VPS8: variants seen among roughly 807,000 people sequenced by gnomAD.
VPS8 encodes the protein VPS8 subunit of CORVET complex.
VPS8 carries 129 observed loss-of-function variants against 216.4 expected under a neutral mutation model. The observed-to-expected ratio is 0.60, with a 90% CI of 0.52 to 0.69. The LOEUF (loss-of-function observed/expected upper bound fraction) is 0.69, where lower values mean the gene tolerates loss of function less well. Ranked by LOEUF, VPS8 falls within the 30% of genes least tolerant of loss-of-function variation. VPS8 has a pLI of 0.00. For missense variants in VPS8, 1,531 were observed against 1,683.5 expected, an observed-to-expected ratio of 0.91 and a Z score of 1.59; for synonymous variants, 571 against 565.4, an observed-to-expected ratio of 1.01 and a Z score of -0.14.
At chr3:184,817,865 G>A (rs1348893418) in intron 1 of VPS8, among the ~76,000 whole-genome samples, 2 of 152,196 alleles carry the variant, frequency 1.3e-5, no homozygotes, top group East Asian at 1.9e-4. Context: ...GGGGAGAAAA[G>A]AGTCACATGG....
At chr3:184,905,184 C>T (rs1273053332) in intron 25 of VPS8, among the ~76,000 whole-genome samples, 2 of 152,196 alleles carry the variant, frequency 1.3e-5, no homozygotes, top group Non-Finnish European at 2.9e-5. Context: ...CAAAGGCCCC[C>T]ACCTCCCAAC....
chr3:185,026,875 A>G (rs1338508118), intron 46 of VPS8, among the ~76,000 whole-genome samples: 3 of 150,676 alleles, frequency 2.0e-5, no homozygotes. Context: ...CACCTGGCTA[A>G]TTTTTTTGTA....
At chr3:184,918,634 A>G (rs1738038207) in intron 28 of VPS8, among the ~76,000 whole-genome samples, 1 of 152,248 alleles carries the variant, frequency 6.6e-6, no homozygotes, top group African/African-American at 2.4e-5. Flanking sequence ...CTTGCTGCCA[A>G]AAGGAAAATG....
chr3:184,855,886 G>T, intron 14 of VPS8, 68 bp downstream of exon 14: 1 of 1,268,164 alleles, frequency 7.9e-7, no homozygotes, highest in Admixed American at 2.2e-5. Context: ...TTAATAATGT[G>T]TCAGAGAAAT....
intron 16 of VPS8, among the ~76,000 whole-genome samples, chr3:184,866,495 A>G (rs1207142552): frequency 6.6e-6 from 1 of 152,224 alleles, no homozygotes; most frequent in Non-Finnish European, 1.5e-5. Flanking sequence ...CTGTACATTT[A>G]CTAAAAAATC....
chr3:185,041,902 G>A (rs759771804), intron 46 of VPS8, among the ~76,000 whole-genome samples: 1 of 152,170 alleles, frequency 6.6e-6, no homozygotes, highest in Non-Finnish European at 1.5e-5. Context: ...ATTGGATTGG[G>A]CATGTTTGGG....
chr3:185,042,445 G>C (rs1047135002), intron 46 of VPS8, among the ~76,000 whole-genome samples: 10 of 152,146 alleles, frequency 6.6e-5, no homozygotes, highest in Non-Finnish European at 1.5e-4. Flanking sequence ...AGTATGCCAC[G>C]TGGCAAGACT....
chr3:184,982,111 A>G (rs1277399503), intron 40 of VPS8, among the ~76,000 whole-genome samples: 5 of 152,118 alleles, frequency 3.3e-5, no homozygotes, highest in African/African-American at 1.2e-4. Context: ...CTTGCTTGAC[A>G]TAGCTAAAGG....
intron 46 of VPS8, among the ~76,000 whole-genome samples, chr3:185,044,593 G>A (rs577557569): frequency 1.3e-5 from 2 of 151,990 alleles, no homozygotes; most frequent in South Asian, 2.1e-4. Context: ...TTGTGGTATC[G>A]AAGGGCTTGG....
intron 46 of VPS8, among the ~76,000 whole-genome samples, chr3:185,028,505 A>G (rs183861412): frequency 1.3e-5 from 2 of 152,354 alleles, no homozygotes; most frequent in African/African-American, 4.8e-5. Context: ...TTTGCTTTCT[A>G]TCTTGAGGAT....
intron 25 of VPS8, among the ~76,000 whole-genome samples, chr3:184,911,645 T>G (rs1397251005): frequency 2.0e-5 from 3 of 152,228 alleles, no homozygotes; most frequent in African/African-American, 7.2e-5. Context: ...CAACCTTGTT[T>G]TCACTAACCC....
At chr3:184,884,864 A>G (rs1730924374) in intron 21 of VPS8, among the ~76,000 whole-genome samples, 1 of 152,146 alleles carries the variant, frequency 6.6e-6, no homozygotes, top group Non-Finnish European at 1.5e-5. Context: ...TGCCCTTACT[A>G]TCTTAGGAGC....
At chr3:184,968,685 A>G (rs1747825778) in intron 39 of VPS8, among the ~76,000 whole-genome samples, 1 of 152,150 alleles carries the variant, frequency 6.6e-6, no homozygotes, top group Non-Finnish European at 1.5e-5. Flanking sequence ...AGAAATGTCT[A>G]TTCAAGTCCT....
At chr3:184,881,028 A>T (rs957451584) in intron 21 of VPS8, among the ~76,000 whole-genome samples, 3 of 151,930 alleles carry the variant, frequency 2.0e-5, no homozygotes, top group African/African-American at 7.3e-5. Context: ...CATACTGTTG[A>T]ATTTTTAGGG....
At chr3:185,036,937 ATAT>A (rs1285262236) in intron 46 of VPS8, among the ~76,000 whole-genome samples, 1 of 152,090 alleles carries the variant, frequency 6.6e-6, no homozygotes, top group African/African-American at 2.4e-5. Flanking sequence ...ACATTTCTAC[ATAT>A]TATAAGCCCA....
At chr3:185,013,855 C>T (rs950279733) in intron 45 of VPS8, among the ~76,000 whole-genome samples, 7 of 152,220 alleles carry the variant, frequency 4.6e-5, no homozygotes, top group East Asian at 1.9e-4. Context: ...CTAAACATCC[C>T]CTTAGGGGAC....
At chr3:185,031,737 T>C (rs1758199775) in intron 46 of VPS8, among the ~76,000 whole-genome samples, 1 of 152,222 alleles carries the variant, frequency 6.6e-6, no homozygotes, top group Non-Finnish European at 1.5e-5. Context: ...GACACTACAT[T>C]ACCTACTACT....
At chr3:184,951,345 C>T (rs148444005) in intron 36 of VPS8, among the ~76,000 whole-genome samples, 55 of 152,072 alleles carry the variant, frequency 3.6e-4, no homozygotes, top group African/African-American at 1.3e-3. Context: ...AATTAGCCAG[C>T]GTAGTGCCCC....
At chr3:184,954,722 C>G (rs1203787965) in intron 36 of VPS8, among the ~76,000 whole-genome samples, 1 of 152,092 alleles carries the variant, frequency 6.6e-6, no homozygotes, top group East Asian at 1.9e-4. Flanking sequence ...GCCCTCTATT[C>G]TTCGTTTTTG....
Sources: allele counts gnomAD v4.1 joint callset (sites outside exome capture counted in the v4.1 genomes callset), GRCh38; gene constraint gnomAD v4.1.1; transcripts MANE v1.5; gene names NCBI Gene and HGNC (gene_info 2026-07-23, HGNC 2026-07-21).